Variants in MAST4 observed in about 807,000 individuals in gnomAD.
MAST4 encodes the protein microtubule associated serine/threonine kinase family member 4.
In MAST4, 89 loss-of-function variants were observed where a neutral mutation model predicts 162.7. The ratio of observed to expected loss-of-function variants is 0.55; its 90% CI spans 0.46 to 0.65. The LOEUF (loss-of-function observed/expected upper bound fraction) is 0.65. Among genes scored for constraint, MAST4 ranks in the 30% least tolerant of loss-of-function variants. The pLI is 0.00. For missense variants in MAST4, 3,153 were observed against 3,374.0 expected, an observed-to-expected ratio of 0.93 and a Z score of 1.62; for synonymous variants, 1,479 against 1,361.1, an observed-to-expected ratio of 1.09 and a Z score of -1.91.
At chr5:66,703,569 G>A (rs1749920385) in intron 1 of MAST4, among the ~76,000 whole-genome samples, 1 of 152,132 alleles carries the variant, frequency 6.6e-6, no homozygotes, top group African/African-American at 2.4e-5. Flanking sequence ...CAGCAGTGGA[G>A]TGTTGTTTTT....
At chr5:67,152,934 C>A in intron 25 of MAST4, 68 bp downstream of exon 25, 1 of 1,280,118 alleles carries the variant, frequency 7.8e-7, no homozygotes, top group Non-Finnish European at 1.1e-6. Context: ...GATAGGTTGG[C>A]TGATAAATAG....
intron 4 of MAST4, among the ~76,000 whole-genome samples, chr5:66,985,268 T>C (rs1450103855): frequency 1.3e-5 from 2 of 152,154 alleles, no homozygotes; most frequent in African/African-American, 4.8e-5. Context: ...TGTCAGATGC[T>C]GAAAGGTCTC....
At chr5:67,002,126 T>G (rs1317716985) in intron 4 of MAST4, 2 of 152,136 alleles carry the variant, frequency 1.3e-5, no homozygotes, top group African/African-American at 4.8e-5. Context: ...GAATTCCCCT[T>G]GAGTTTGATT....
At chr5:67,044,666 G>T (rs147625246) in intron 4 of MAST4, among the ~76,000 whole-genome samples, 10 of 152,192 alleles carry the variant, frequency 6.6e-5, no homozygotes, top group African/African-American at 2.4e-4. Flanking sequence ...GCACACACCA[G>T]CATGCCTAGC....
chr5:66,883,554 G>A (rs972330020), intron 3 of MAST4, among the ~76,000 whole-genome samples: 2 of 151,024 alleles, frequency 1.3e-5, no homozygotes, highest in Admixed American at 6.6e-5. Context: ...TCAGCCTCCC[G>A]AGTAGCTGGG....
chr5:66,802,158 T>A (rs1755954219), intron 3 of MAST4, among the ~76,000 whole-genome samples: 1 of 152,234 alleles, frequency 6.6e-6, no homozygotes, highest in Admixed American at 6.5e-5. Context: ...GGGGTTCTAA[T>A]TTAGCTTTCT....
intron 3 of MAST4, among the ~76,000 whole-genome samples, chr5:66,865,796 C>A (rs1170698479): frequency 6.6e-6 from 1 of 152,068 alleles, no homozygotes; most frequent in Non-Finnish European, 1.5e-5. Context: ...GGAAATAGGC[C>A]AGGTGCGGTG....
chr5:66,847,503 G>A (rs1406998261), intron 3 of MAST4, among the ~76,000 whole-genome samples: 1 of 152,114 alleles, frequency 6.6e-6, no homozygotes, highest in East Asian at 1.9e-4. Context: ...GCGTGGTAGT[G>A]GACGCCTGTA....
intron 2 of MAST4, among the ~76,000 whole-genome samples, chr5:66,785,337 T>A (rs1755064492): frequency 6.6e-6 from 1 of 152,238 alleles, no homozygotes; most frequent in Non-Finnish European, 1.5e-5. Flanking sequence ...TGCTTTTCTC[T>A]TTATAAATAA....
chr5:66,757,100 T>C (rs890644366), intron 1 of MAST4, among the ~76,000 whole-genome samples: 2 of 152,222 alleles, frequency 1.3e-5, no homozygotes, highest in African/African-American at 4.8e-5. Flanking sequence ...TTAGGAATTA[T>C]CTTCTTTCCT....
At chr5:67,137,763 A>G (rs1769853203) in intron 19 of MAST4, among the ~76,000 whole-genome samples, 1 of 152,236 alleles carries the variant, frequency 6.6e-6, no homozygotes, top group South Asian at 2.1e-4. Flanking sequence ...ATAAAGCGTT[A>G]CTGAAACACC....
chr5:66,673,957 A>T (rs763820148), intron 1 of MAST4, among the ~76,000 whole-genome samples: 15 of 152,244 alleles, frequency 9.9e-5, no homozygotes, highest in Non-Finnish European at 1.9e-4. Context: ...AAAAATTTAA[A>T]AACAGCATTA....
chr5:67,066,350 A>G (rs1337883110), intron 5 of MAST4, among the ~76,000 whole-genome samples: 1 of 151,324 alleles, frequency 6.6e-6, no homozygotes, highest in African/African-American at 2.4e-5. Flanking sequence ...ACTACTTAAC[A>G]TTTGAATGTA....
intron 19 of MAST4, 73 bp downstream of exon 19, chr5:67,136,737 G>A: frequency 1.6e-6 from 2 of 1,257,480 alleles, no homozygotes; most frequent in South Asian, 2.6e-5. Flanking sequence ...TGAAGCTTTT[G>A]TTGTTGTTTT....
At chr5:66,870,162 G>A (rs1760823273) in intron 3 of MAST4, among the ~76,000 whole-genome samples, 1 of 152,112 alleles carries the variant, frequency 6.6e-6, no homozygotes, top group African/African-American at 2.4e-5. Flanking sequence ...CTTTTACATA[G>A]GTTTAAATTA....
chr5:66,789,626 G>T, intron 3 of MAST4: 1 of 461,734 alleles, frequency 2.2e-6, no homozygotes, highest in Non-Finnish European at 4.4e-6. Context: ...GTGATGTCAA[G>T]TCCTCTTAAG....
rs538153175 is a variant in MAST4, at chr5:67,028,062, A to C, written c.675-26342A>C. Among the ~76,000 whole-genome samples the C allele has an allele frequency of 8.5e-5, 13 of 152,158 alleles. No homozygotes were observed. The South Asian group carries it at 1.7e-3, about 19-fold the overall frequency. On this transcript the variant is annotated intron_variant, in intron 4 of 28. Coordinates refer to ENST00000403625, the MANE Select transcript of MAST4 (RefSeq NM_001164664.2). ...GTTGGGTGTAGAGACAGGAAAACAC[A>C]AAGAAGTAACAGAATTTACAGTATC... is the stretch of plus-strand genomic sequence containing the variant.
intron 8 of MAST4, among the ~76,000 whole-genome samples, chr5:67,101,094 A>G (rs1764976649): frequency 6.6e-6 from 1 of 152,212 alleles, no homozygotes; most frequent in Non-Finnish European, 1.5e-5. Context: ...TAGTCCACCT[A>G]ACACTGGGTA....
intron 4 of MAST4, among the ~76,000 whole-genome samples, chr5:66,984,716 G>A (rs1034042259): frequency 2.6e-5 from 4 of 151,738 alleles, no homozygotes; most frequent in African/African-American, 9.7e-5. Flanking sequence ...TGTGTTCTGA[G>A]GGGGAAATGT....
Sources: gnomAD v4.1 joint callset for allele counts (sites outside exome capture counted in the v4.1 genomes callset) on GRCh38, gnomAD v4.1.1 for gene constraint, MANE v1.5 for transcripts, NCBI Gene and HGNC (gene_info 2026-07-23, HGNC 2026-07-21) for gene names.